Variants in CNTNAP2 observed in about 807,000 individuals in gnomAD.
CNTNAP2 encodes the protein contactin-associated protein-like 2.
Under a neutral mutation model 155.2 loss-of-function variants are expected in CNTNAP2, and 98 were observed. The observed-to-expected ratio is 0.63, with a 90% CI of 0.54 to 0.75. CNTNAP2 has a LOEUF of 0.75. Among genes scored for constraint, CNTNAP2 ranks in the 30% least tolerant of loss-of-function variants. The pLI is 0.00. For synonymous variants in CNTNAP2, 651 were observed against 631.2 expected, an observed-to-expected ratio of 1.03 and a Z score of -0.47; for missense variants, 1,727 against 1,688.1, an observed-to-expected ratio of 1.02 and a Z score of -0.40.
chr7:148,221,860 C>T (rs534463872), intron 19 of CNTNAP2, among the ~76,000 whole-genome samples: 296 of 152,362 alleles, frequency 1.9e-3, no homozygotes, highest in African/African-American at 6.7e-3. Context: ...GTGAATTGAA[C>T]TCATGGTGTC....
chr7:148,119,135 G>A (rs1005919585), intron 16 of CNTNAP2, among the ~76,000 whole-genome samples: 11 of 152,134 alleles, frequency 7.2e-5, no homozygotes, highest in African/African-American at 2.7e-4. Context: ...GACTCCACTG[G>A]CTGTGAGAGT....
Position 146,803,758 on chromosome 7 carries a change from A to G in CNTNAP2, c.208+29377A>G, listed in dbSNP as rs377539244. The stretch of plus-strand genomic sequence containing the variant: ...TAGAAACAGTGTCCCTGCATGCATG[A>G]TACAATATTCAGATGTGTGTTAAAA... On this transcript the variant is annotated intron_variant, in intron 2 of 23. Transcript: ENST00000361727. 1.3e-3 allele frequency among the ~76,000 whole-genome samples: 192 copies of G among 152,348 alleles called. 3 individuals carry two copies. The highest frequency in any genetic ancestry group is 4.4e-3 in the African/African-American group (185 of 41,576).
intron 13 of CNTNAP2, among the ~76,000 whole-genome samples, chr7:147,669,346 A>T: frequency 6.6e-6 from 1 of 152,218 alleles, no homozygotes; most frequent in Non-Finnish European, 1.5e-5. Context: ...ATATTTCATC[A>T]AAAATCTATA....
chr7:146,395,301 C>T (rs1010735078), intron 1 of CNTNAP2, among the ~76,000 whole-genome samples: 1 of 152,080 alleles, frequency 6.6e-6, no homozygotes, highest in Non-Finnish European at 1.5e-5. Flanking sequence ...GTGTGGGATT[C>T]AAACCCAGGG....
chr7:147,405,749 G>T (rs1796995440), intron 10 of CNTNAP2, among the ~76,000 whole-genome samples: 1 of 152,134 alleles, frequency 6.6e-6, no homozygotes, highest in Non-Finnish European at 1.5e-5. Context: ...TGTGGGCCTA[G>T]ACAACTGTAA....
rs558749414 is a variant in CNTNAP2, at chr7:147,325,820, T to G, written c.1498+25530T>G. Among the ~76,000 whole-genome samples the G allele has an allele frequency of 2.0e-5, 3 of 152,348 alleles. No individual in the cohort carries two copies. In the East Asian group the frequency reaches 5.8e-4, roughly 29 times the overall value. On this transcript the variant is annotated intron_variant, in intron 9 of 23. Coordinates refer to ENST00000361727, the MANE Select transcript of CNTNAP2 (RefSeq NM_014141.6). ...CTTGTTATATGACCATCATCACTAT[T>G]GGTGTCTTCAGGACTTTTCGTCATC... is the stretch of plus-strand genomic sequence containing the variant.
chr7:146,956,455 A>T (rs760334670), intron 3 of CNTNAP2, among the ~76,000 whole-genome samples: 1 of 152,140 alleles, frequency 6.6e-6, no homozygotes, highest in South Asian at 2.1e-4. Flanking sequence ...AGAAGAAAGG[A>T]AAAGTGCTGT....
chr7:147,586,303 C>G (rs1291205296), intron 12 of CNTNAP2, among the ~76,000 whole-genome samples: 3 of 151,134 alleles, frequency 2.0e-5, no homozygotes, highest in African/African-American at 4.9e-5. Flanking sequence ...GTCTTAAGGT[C>G]TGTGTTGATG....
intron 14 of CNTNAP2, among the ~76,000 whole-genome samples, chr7:147,928,311 C>T (rs1293165595): frequency 6.6e-6 from 1 of 152,098 alleles, no homozygotes; most frequent in East Asian, 1.9e-4. Context: ...CTCAATTTCT[C>T]AAAGTGAGGG....
At chr7:146,311,390 A>G (rs1800817634) in intron 1 of CNTNAP2, among the ~76,000 whole-genome samples, 1 of 152,066 alleles carries the variant, frequency 6.6e-6, no homozygotes, top group Non-Finnish European at 1.5e-5. Context: ...CAAATATTAC[A>G]CATCATTTTT....
At chr7:147,460,412 C>T (rs1319926758) in intron 10 of CNTNAP2, among the ~76,000 whole-genome samples, 1 of 152,008 alleles carries the variant, frequency 6.6e-6, no homozygotes, top group Non-Finnish European at 1.5e-5. Context: ...TGCTACCTCG[C>T]CCCCCTACCT....
intron 1 of CNTNAP2, among the ~76,000 whole-genome samples, chr7:146,622,210 T>A (rs1033210100): frequency 3.3e-5 from 5 of 149,368 alleles, no homozygotes; most frequent in Admixed American, 1.3e-4. Context: ...TACACACATA[T>A]ACACGTGTGT....
chr7:147,201,423 C>T (rs2116549569), intron 8 of CNTNAP2, among the ~76,000 whole-genome samples: 1 of 152,224 alleles, frequency 6.6e-6, no homozygotes, highest in Non-Finnish European at 1.5e-5. Context: ...CTAAGAAAAG[C>T]TCTTTTTTAT....
At chr7:146,570,387 C>T (rs12533085) in intron 1 of CNTNAP2, among the ~76,000 whole-genome samples, 56,170 of 151,968 alleles carry the variant, frequency 0.37, 11,801 homozygotes, top group South Asian at 0.5. Flanking sequence ...GATGCTTGTG[C>T]GGAGGTAATG....
At chr7:147,989,310 C>G (rs1047311161) in intron 15 of CNTNAP2, among the ~76,000 whole-genome samples, 1 of 152,200 alleles carries the variant, frequency 6.6e-6, no homozygotes, top group Non-Finnish European at 1.5e-5. Context: ...TTCTCCCTCA[C>G]TAACCATGTG....
At chr7:146,377,735 T>C (rs983996604) in intron 1 of CNTNAP2, among the ~76,000 whole-genome samples, 3 of 152,226 alleles carry the variant, frequency 2.0e-5, no homozygotes, top group African/African-American at 7.2e-5. Context: ...TTTAATGATA[T>C]ATACTAATAT....
chr7:147,150,675 C>A (rs534392357), intron 8 of CNTNAP2, among the ~76,000 whole-genome samples: 2 of 152,212 alleles, frequency 1.3e-5, no homozygotes, highest in African/African-American at 2.4e-5. Flanking sequence ...TTGTTATATA[C>A]GTATGAATTA....
intron 12 of CNTNAP2, among the ~76,000 whole-genome samples, chr7:147,591,436 T>G (rs11767685): frequency 1.6e-4 from 24 of 152,144 alleles, no homozygotes; most frequent in Non-Finnish European, 3.1e-4. Flanking sequence ...TTTAGCTTTA[T>G]GTCCTCTTTA....
intron 3 of CNTNAP2, among the ~76,000 whole-genome samples, chr7:146,930,666 T>C (rs929734153): frequency 6.6e-6 from 1 of 152,210 alleles, no homozygotes; most frequent in Non-Finnish European, 1.5e-5. Context: ...TCAAGACTTA[T>C]CAGTGTGCTG....
Sources: allele counts gnomAD v4.1 joint callset (sites outside exome capture counted in the v4.1 genomes callset), GRCh38; gene constraint gnomAD v4.1.1; transcripts MANE v1.5; gene names NCBI Gene and HGNC (gene_info 2026-07-23, HGNC 2026-07-21).